BTBD8: variants seen among roughly 807,000 people sequenced by gnomAD.
The protein encoded by BTBD8 is BTB/POZ domain-containing protein 8.
Under a neutral mutation model 162.9 loss-of-function variants are expected in BTBD8, and 110 were observed. That is an observed-to-expected ratio of 0.68 (90% confidence interval 0.58 to 0.79). The LOEUF (loss-of-function observed/expected upper bound fraction) is 0.79, where lower values mean the gene tolerates loss of function less well. Among genes scored for constraint, BTBD8 ranks in the 30% least tolerant of loss-of-function variants. The pLI, the probability that BTBD8 is intolerant of heterozygous loss-of-function variation, is 0.00. For synonymous variants in BTBD8, 667 were observed against 716.1 expected, an observed-to-expected ratio of 0.93 and a Z score of 1.10; for missense variants, 1,905 against 2,085.4, an observed-to-expected ratio of 0.91 and a Z score of 1.68.
At chr1:92,152,630 T>C (rs1650070628) in intron 9 of BTBD8, among the ~76,000 whole-genome samples, 1 of 152,010 alleles carries the variant, frequency 6.6e-6, no homozygotes, top group Non-Finnish European at 1.5e-5. Flanking sequence ...TTGGGAGGGA[T>C]TTTAGCTGAG....
intron 16 of BTBD8, among the ~76,000 whole-genome samples, chr1:92,179,693 A>G (rs1225517305): frequency 3.9e-5 from 6 of 152,204 alleles, no homozygotes; most frequent in Non-Finnish European, 8.8e-5. Flanking sequence ...CTTTCCAGTC[A>G]GCAGTTTTAG....
intron 9 of BTBD8, among the ~76,000 whole-genome samples, chr1:92,158,707 CA>C (rs1650214329): frequency 6.6e-6 from 1 of 152,014 alleles, no homozygotes; most frequent in Non-Finnish European, 1.5e-5. Flanking sequence ...TGTGTGAGAT[CA>C]GGGGGCTTAT....
chr1:92,088,879 T>A lies in BTBD8; in HGVS notation c.331T>A (p.Phe111Ile). 6.2e-7 allele frequency: 1 copy of A among 1,609,718 alleles called. No individual in the cohort carries two copies. Among genetic ancestry groups the A allele is most frequent in the Non-Finnish European group, 8.5e-7 (1 of 1,177,840 alleles). ...IAVENVEALE[F>I]RTFLQIIYSS... ...TGTGGAGAATGTTGAAGCTTTAGAA[T>A]TTAGAACGTTTTTACAGTAAGTGCT... is the stretch of plus-strand genomic sequence containing the variant. The change falls in exon 2 of 18, where the codon TTT (phenylalanine) becomes ATT (isoleucine). Residue 111 changes from phenylalanine (F) to isoleucine (I), a missense_variant. Phe to Ile is a conservative substitution (Grantham distance 21). Coordinates refer to ENST00000636805, the MANE Select transcript of BTBD8 (RefSeq NM_001376131.1).
At position 92,177,280 on chromosome 1, in the gene BTBD8, T is replaced by G; in HGVS notation, c.2087T>G (p.Leu696Arg). The part of the protein sequence containing the change: ...GQISGARPKV[L>R]TGNLNVQAKA... Reference sequence around the variant, plus strand: ...ATTTCAGGTGCCAGACCCAAGGTACTCACAGGAAACTTAAATGTGCAAGCC... The same window carrying G: ...ATTTCAGGTGCCAGACCCAAGGTACGCACAGGAAACTTAAATGTGCAAGCC... The change falls in exon 14 of 18, where the codon CTC becomes CGC. Residue 696 changes from leucine (L) to arginine (R), a missense_variant. Physicochemically the swap from Leu to Arg is moderately radical, Grantham distance 102 (BLOSUM62 -2). Around this residue, in one of 3 missense-constraint regions of BTBD8, gnomAD observed 1,374 missense variants for 1,442.7 expected, o/e 0.95. Coordinates refer to ENST00000636805, the MANE Select transcript of BTBD8 (RefSeq NM_001376131.1). 2.6e-6 allele frequency: 4 copies of G among 1,552,072 alleles called. No homozygotes were observed. The highest frequency in any genetic ancestry group is 3.5e-6 in the Non-Finnish European group (4 of 1,147,094).
intron 13 of BTBD8, among the ~76,000 whole-genome samples, chr1:92,171,724 A>C (rs1364036894): frequency 2.6e-5 from 4 of 152,226 alleles, no homozygotes; most frequent in Non-Finnish European, 5.9e-5. Flanking sequence ...GAGCTATTTC[A>C]GTCTATTAGA....
At chr1:92,166,916 C>T (rs1650399814) in intron 9 of BTBD8, 42 bp from the exon 10 acceptor site, 1 of 1,490,176 alleles carries the variant, frequency 6.7e-7, no homozygotes, top group East Asian at 2.5e-5. Flanking sequence ...ATTTTATTAG[C>T]AGTAATAGCA....
At chr1:92,153,026 C>T (rs1020636905) in intron 9 of BTBD8, among the ~76,000 whole-genome samples, 7 of 152,090 alleles carry the variant, frequency 4.6e-5, no homozygotes, top group Non-Finnish European at 1.0e-4. Flanking sequence ...TCTCAAAATT[C>T]GAAGTATGTT....
chr1:92,181,786 G>T lies in BTBD8; in HGVS notation c.4103G>T (p.Ser1368Ile). The change falls in exon 17 of 18, where the codon AGT becomes ATT. Residue 1368 changes from serine (S) to isoleucine (I), a missense_variant. This residue lies in a region of BTBD8 where 517 missense variants were observed against 606.6 expected (regional missense o/e 0.85). Coordinates refer to ENST00000636805, the MANE Select transcript of BTBD8 (RefSeq NM_001376131.1). ...SRERENIPRGSVQFAQEIDQV... is the reference protein window; with the variant it reads ...SRERENIPRGIVQFAQEIDQV... Reference sequence around the variant, plus strand: ...GAAAGAGAAAATATTCCACGAGGCAGTGTCCAGTTTGCTCAGGAAATAGAT... The same window carrying T: ...GAAAGAGAAAATATTCCACGAGGCATTGTCCAGTTTGCTCAGGAAATAGAT... 6.4e-7 allele frequency: 1 copy of T among 1,551,272 alleles called. No individual in the cohort carries two copies.
intron 9 of BTBD8, among the ~76,000 whole-genome samples, chr1:92,163,346 T>C (rs112568157): frequency 0.7 from 75,494 of 108,024 alleles, 26,792 homozygotes; most frequent in East Asian, 0.97. Context: ...CAGAGAGAGA[T>C]TCTGTCTCAA....
Position 92,080,717 on chromosome 1 carries a change from T to C in BTBD8, c.146T>C (p.Leu49Pro), listed in dbSNP as rs551823915. The change falls in exon 1 of 18, where the codon CTC (leucine) becomes CCC (proline). Residue 49 changes from leucine to proline, a missense_variant. This residue lies in a region of BTBD8 where 1,374 missense variants were observed against 1,442.7 expected (regional missense o/e 0.95). Coordinates refer to ENST00000636805, the MANE Select transcript of BTBD8 (RefSeq NM_001376131.1). ...TCGGAGCAGCTCAGCCAGGATTTGC[T>C]CAGGTAGGAGGAGGCGGGAACTCTG... Reference protein sequence around the residue: ...TVSEQLSQDLLRLLREEFHTD... With the variant: ...TVSEQLSQDLPRLLREEFHTD... 2 of 1,609,680 alleles carry C rather than the reference T, an allele frequency of 1.2e-6. No individual in the cohort carries two copies. The highest frequency in any genetic ancestry group is 1.7e-6 in the Non-Finnish European group (2 of 1,178,368).
At chr1:92,140,149 T>C (rs1226179) in intron 6 of BTBD8, among the ~76,000 whole-genome samples, 110,534 of 148,924 alleles carry the variant, frequency 0.74, 42,197 homozygotes, top group East Asian at 0.97. Context: ...TTGCCAGGCG[T>C]GATGGCTCAC....
intron 1 of BTBD8, among the ~76,000 whole-genome samples, chr1:92,084,214 T>G (rs1648095635): frequency 6.6e-6 from 1 of 152,352 alleles, no homozygotes; most frequent in Non-Finnish European, 1.5e-5. Context: ...TTTTCTCATC[T>G]TCATTCTCAT....
In BTBD8 at chr1:92,167,878, T is replaced by C. The variant is rs1650424969; in HGVS notation, c.1336T>C (p.Leu446=). The stretch of plus-strand genomic sequence containing the variant: ...AGCAATGAGCAGCACAGCCGATCTG[T>C]TGGACACAATTTTAAAAGCAATTGA... ...SQAMSSTADL[L]DTILKAIEEN... is the part of the protein sequence containing the mutation. Residue 446 remains leucine (L), a synonymous_variant, in exon 11 of 18, where the codon TTG becomes CTG. Transcript: ENST00000636805. The C allele has an allele frequency of 1.3e-6, 2 of 1,551,122 alleles. No individual in the cohort carries two copies. The highest frequency in any genetic ancestry group is 1.7e-6 in the Non-Finnish European group (2 of 1,146,546).
chr1:92,094,779 A>G (rs1481612905), intron 2 of BTBD8, among the ~76,000 whole-genome samples: 1 of 152,172 alleles, frequency 6.6e-6, no homozygotes, highest in Non-Finnish European at 1.5e-5. Context: ...GTGTGTGTGC[A>G]TGTGAGAGGT....
chr1:92,184,182 G>T lies in BTBD8; in HGVS notation c.5231G>T (p.Gly1744Val). 6.4e-7 allele frequency: 1 copy of T among 1,551,532 alleles called. No individual in the cohort carries two copies. Among genetic ancestry groups the T allele is most frequent in the Non-Finnish European group, 8.7e-7 (1 of 1,146,852 alleles). Residue 1744 changes from glycine (G) to valine (V), a missense_variant, in exon 18 of 18, where the codon GGT becomes GTT. Gly to Val is a moderately radical substitution (Grantham distance 109). Around this residue, in one of 3 missense-constraint regions of BTBD8, gnomAD observed 517 missense variants for 606.6 expected, o/e 0.85. Coordinates refer to ENST00000636805, the MANE Select transcript of BTBD8 (RefSeq NM_001376131.1). ...LLARDSSKPQ[G>V]ITHIDTLNRW... ...GCACGAGATAGCTCAAAACCTCAGG[G>T]TATAACACATATTGACACTTTGAAC...
chr1:92,138,703 G>A (rs1248102242), intron 5 of BTBD8, among the ~76,000 whole-genome samples: 1 of 152,230 alleles, frequency 6.6e-6, no homozygotes, highest in Non-Finnish European at 1.5e-5. Context: ...GCTGGGGTAA[G>A]ATGCAAGACG....
intron 9 of BTBD8, among the ~76,000 whole-genome samples, chr1:92,160,989 C>T (rs189367367): frequency 1.9e-4 from 29 of 152,320 alleles, no homozygotes; most frequent in African/African-American, 7.0e-4. Context: ...TGGTCTAACT[C>T]TTTCCTTCCC....
At chr1:92,171,535 G>T in intron 13 of BTBD8, 75 bp downstream of exon 13, 1 of 996,002 alleles carries the variant, frequency 1.0e-6, no homozygotes, top group Non-Finnish European at 1.4e-6. Context: ...TTATATTTCA[G>T]AAAAAGTTTT....
chr1:92,127,355 A>G (rs907121387), intron 4 of BTBD8, among the ~76,000 whole-genome samples: 4 of 152,198 alleles, frequency 2.6e-5, no homozygotes, highest in Non-Finnish European at 4.4e-5. Flanking sequence ...TACCTCCTTC[A>G]GTTGACTCTA....
Sources: allele counts gnomAD v4.1 joint callset (sites outside exome capture counted in the v4.1 genomes callset), GRCh38; gene constraint gnomAD v4.1.1; regional missense constraint gnomAD v4.1.1; transcripts MANE v1.5; gene names NCBI Gene and HGNC (gene_info 2026-07-23, HGNC 2026-07-21).